The following ADD2 variants were observed in gnomAD, a reference collection of about 807,000 sequenced individuals.
ADD2 encodes the protein adducin 2.
ADD2 carries 23 observed loss-of-function variants against 83.0 expected under a neutral mutation model. The observed-to-expected ratio is 0.28, with a 90% confidence interval of 0.20 to 0.39. The LOEUF (loss-of-function observed/expected upper bound fraction) is 0.39, where lower values mean the gene tolerates loss of function less well. ADD2 is among the 10% of genes least tolerant of loss of function. The pLI is 1.00. For synonymous variants in ADD2, 375 were observed against 375.4 expected, an observed-to-expected ratio of 1.00 and a Z score of 0.01; for missense variants, 758 against 944.9, an observed-to-expected ratio of 0.80 and a Z score of 2.59.
chr2:70,718,291 T>C (rs1394771249), intron 1 of ADD2, among the ~76,000 whole-genome samples: 1 of 152,186 alleles, frequency 6.6e-6, no homozygotes, highest in Non-Finnish European at 1.5e-5. Flanking sequence ...TATCTGTTGG[T>C]GCCCGGGAGT....
At chr2:70,736,801 A>G (rs1574305762) in intron 1 of ADD2, among the ~76,000 whole-genome samples, 2 of 151,640 alleles carry the variant, frequency 1.3e-5, no homozygotes, top group Non-Finnish European at 2.9e-5. Context: ...AGTTGAATGA[A>G]TGCTCGAATA....
At chr2:70,694,016 A>C (rs963439311) in intron 6 of ADD2, among the ~76,000 whole-genome samples, 3 of 152,190 alleles carry the variant, frequency 2.0e-5, no homozygotes, top group African/African-American at 4.8e-5. Flanking sequence ...TAGTGAGTGG[A>C]GCACAGGTTG....
intron 2 of ADD2, chr2:70,711,301 C>A (rs1558551047): frequency 6.6e-6 from 1 of 152,100 alleles, no homozygotes; most frequent in Admixed American, 6.6e-5. Flanking sequence ...CATCATGAGC[C>A]TCTTTCAACT....
chr2:70,750,236 TTCTC>T (rs1314451049), intron 1 of ADD2, among the ~76,000 whole-genome samples: 2 of 152,194 alleles, frequency 1.3e-5, no homozygotes, highest in Non-Finnish European at 2.9e-5. Context: ...TTCTTTTTCT[TTCTC>T]TCAACCAGGG....
chr2:70,739,479 C>T (rs1558571380), intron 1 of ADD2, among the ~76,000 whole-genome samples: 1 of 152,178 alleles, frequency 6.6e-6, no homozygotes, highest in Admixed American at 6.5e-5. Flanking sequence ...TGTGGTGATT[C>T]CTCAAAGAGC....
intron 1 of ADD2, among the ~76,000 whole-genome samples, chr2:70,763,557 A>G (rs1260235794): frequency 6.6e-6 from 1 of 151,998 alleles, no homozygotes; most frequent in African/African-American, 2.4e-5. Context: ...ATGTATACTC[A>G]TAAATACCAG....
At chr2:70,672,259 T>C (rs1338974728) in intron 15 of ADD2, among the ~76,000 whole-genome samples, 1 of 152,222 alleles carries the variant, frequency 6.6e-6, no homozygotes. Context: ...CTAGTAGCTC[T>C]CTATTGAAGC....
At chr2:70,698,561 G>C (rs1671423894) in intron 4 of ADD2, among the ~76,000 whole-genome samples, 1 of 152,218 alleles carries the variant, frequency 6.6e-6, no homozygotes. Flanking sequence ...ACAGCTAGAA[G>C]AAAAGACGTG....
intron 15 of ADD2, among the ~76,000 whole-genome samples, chr2:70,668,778 A>G (rs1669783399): frequency 1.3e-5 from 2 of 152,172 alleles, no homozygotes; most frequent in Non-Finnish European, 2.9e-5. Flanking sequence ...GCCTGCTGAC[A>G]TCTCAGGCTC....
In ADD2 at chr2:70,727,623, G is replaced by T. The variant is rs532225394; in HGVS notation, c.-153-14439C>A. Among the ~76,000 whole-genome samples, 5 of 152,168 alleles carry T rather than the reference G, an allele frequency of 3.3e-5. No individual in the cohort carries two copies. The South Asian group carries it at 6.2e-4, about 19-fold the overall frequency. ...TTAGAATGCAGAATTGGCCAGGCGC[G>T]GTGGCTCATGCCTATAATCCCCGCA... On this transcript the variant is annotated intron_variant, in intron 1 of 15. Coordinates refer to ENST00000264436, the MANE Select transcript of ADD2 (RefSeq NM_001617.4).
At chr2:70,743,807 G>A (rs1323835080) in intron 1 of ADD2, among the ~76,000 whole-genome samples, 2 of 151,770 alleles carry the variant, frequency 1.3e-5, no homozygotes, top group African/African-American at 4.8e-5. Flanking sequence ...GTAGATCAGA[G>A]CATACAGAGC....
rs117527231 is a variant in ADD2 at position 70,747,494 on chromosome 2, C to T, written c.-154+20392G>A. Among the ~76,000 whole-genome samples the T allele has an allele frequency of 9.9e-5, 15 of 150,934 alleles. No homozygotes were observed. In the East Asian group the frequency reaches 2.8e-3, roughly 28 times the overall value. ...TCATGCCATGTGCTTTTCCATCATG[C>T]GTGTGCTCTCCCATCATGCCACATG... is the stretch of plus-strand genomic sequence containing the variant. On this transcript the variant is annotated intron_variant, in intron 1 of 15. Coordinates refer to ENST00000264436, the MANE Select transcript of ADD2 (RefSeq NM_001617.4).
intron 4 of ADD2, among the ~76,000 whole-genome samples, chr2:70,698,033 T>C (rs989661660): frequency 6.6e-6 from 1 of 152,182 alleles, no homozygotes; most frequent in Non-Finnish European, 1.5e-5. Context: ...TTGACCAGTT[T>C]GGGATTGCCT....
chr2:70,692,274 C>T (rs1274573530), intron 7 of ADD2, 129 bp downstream of exon 7: 18 of 1,092,078 alleles, frequency 1.6e-5, no homozygotes, highest in East Asian at 5.8e-5. Flanking sequence ...GGCGTTTCCA[C>T]GTTGGGAGTT....
chr2:70,754,544 C>T (rs1216512073), intron 1 of ADD2, among the ~76,000 whole-genome samples: 13 of 151,464 alleles, frequency 8.6e-5, no homozygotes, highest in Admixed American at 6.6e-5. Context: ...TTACTCTCCT[C>T]TACTGCCCAG....
chr2:70,671,436 C>T (rs1283708222), intron 15 of ADD2, among the ~76,000 whole-genome samples: 2 of 152,084 alleles, frequency 1.3e-5, no homozygotes, highest in Admixed American at 6.6e-5. Context: ...AGCCAGGAAA[C>T]TTCCCAAAGG....
Position 70,696,492 on chromosome 2 carries a change from C to T in ADD2, c.323-96G>A, listed in dbSNP as rs1270255051. ...CAAATTCTCACTGGCACTAAAACTG[C>T]ACAGGAGACTTCCCCAGGCAGGGAA... On this transcript the variant is annotated intron_variant, in intron 4 of 15. Transcript: ENST00000264436. The T allele has an allele frequency of 4.0e-6, 6 of 1,501,110 alleles. No homozygotes were observed. The African/African-American group carries it at 6.9e-5, about 17-fold the overall frequency. 93.0% of individuals were successfully genotyped at this position (1,501,110 alleles called of 1,614,324 possible).
chr2:70,681,192 C>T (rs1409440523), intron 10 of ADD2, among the ~76,000 whole-genome samples: 2 of 152,154 alleles, frequency 1.3e-5, no homozygotes, highest in African/African-American at 4.8e-5. Flanking sequence ...GGTATCTTTT[C>T]AGGCTTTCAC....
In ADD2 at chr2:70,658,630, G is replaced by A. The variant is rs1675436963; in HGVS notation, c.*4795C>T. The A allele has an allele frequency of 6.6e-6, 1 of 152,080 alleles. No homozygotes were observed. Among genetic ancestry groups the A allele is most frequent in the Admixed American group, 6.6e-5 (1 of 15,266 alleles). 9.4% of individuals were successfully genotyped at this position (152,080 alleles called of 1,614,324 possible). ...CCTCATTTCTTTTCAGACTCTTTGA[G>A]TGCTAAGGTCTTAGAGTTCAACTGA... is the stretch of plus-strand genomic sequence containing the variant. On this transcript the variant is annotated 3_prime_UTR_variant, in exon 16 of 16. Transcript: ENST00000264436.
Sources: allele counts gnomAD v4.1 joint callset (sites outside exome capture counted in the v4.1 genomes callset), GRCh38; gene constraint gnomAD v4.1.1; transcripts MANE v1.5; gene names NCBI Gene and HGNC (gene_info 2026-07-23, HGNC 2026-07-21).